CMSS1: variants seen among roughly 807,000 people sequenced by gnomAD.
The protein encoded by CMSS1 is cms1 ribosomal small subunit homolog, also known as protein CMSS1.
A neutral mutation model predicts 43.5 loss-of-function variants in CMSS1; 33 were observed. The observed-to-expected ratio is 0.76, with a 90% confidence interval of 0.57 to 1.01. The LOEUF is 1.01. Ranked by LOEUF, CMSS1 falls within the 50% of genes least tolerant of loss-of-function variation. The probability of loss-of-function intolerance (pLI) is 0.00; values close to 1 mark genes in which losing one functional copy is unlikely to be tolerated. For missense variants in CMSS1, 313 were observed against 326.4 expected (o/e 0.96, Z 0.32); for synonymous variants, 115 against 117.2 (o/e 0.98, Z 0.12).
chr3:100,014,694 A>G (rs917791995), intron 1 of CMSS1, among the ~76,000 whole-genome samples: 8 of 151,240 alleles, frequency 5.3e-5, no homozygotes, highest in Admixed American at 1.3e-4. Context: ...TTTTCTTGCT[A>G]TTGAGTTCTT....
chr3:100,067,050 G>C (rs17314998), intron 1 of CMSS1, among the ~76,000 whole-genome samples: 1 of 152,110 alleles, frequency 6.6e-6, no homozygotes, highest in Non-Finnish European at 1.5e-5. Context: ...AAGGGCAAGC[G>C]TGGACTGTGA....
At chr3:99,911,822 A>T (rs1706797966) in intron 1 of CMSS1, among the ~76,000 whole-genome samples, 1 of 152,022 alleles carries the variant, frequency 6.6e-6, no homozygotes, top group South Asian at 2.1e-4. Flanking sequence ...TGTCTTCTTC[A>T]TTATTTTTTT....
intron 1 of CMSS1, among the ~76,000 whole-genome samples, chr3:100,096,009 G>T (rs1457689074): frequency 1.5e-4 from 23 of 152,036 alleles, no homozygotes; most frequent in Admixed American, 1.5e-3. Context: ...TGACAAACAG[G>T]CATATGAAAA....
At chr3:100,009,912 C>A (rs952082801) in intron 1 of CMSS1, among the ~76,000 whole-genome samples, 1 of 152,182 alleles carries the variant, frequency 6.6e-6, no homozygotes, top group African/African-American at 2.4e-5. Flanking sequence ...ATACCACTTT[C>A]TTTCACCATT....
At chr3:99,892,958 G>A (rs969034531) in intron 1 of CMSS1, among the ~76,000 whole-genome samples, 1 of 152,114 alleles carries the variant, frequency 6.6e-6, no homozygotes, top group Non-Finnish European at 1.5e-5. Flanking sequence ...GCCCCTGTTG[G>A]TGCTGATCCC....
intron 1 of CMSS1, among the ~76,000 whole-genome samples, chr3:99,944,171 G>T (rs1231873388): frequency 6.6e-6 from 1 of 152,210 alleles, no homozygotes; most frequent in Non-Finnish European, 1.5e-5. Flanking sequence ...CTTCTAGTCA[G>T]TGCTAAACAA....
intron 1 of CMSS1, among the ~76,000 whole-genome samples, chr3:99,864,640 C>T (rs1718235): frequency 0.49 from 74,380 of 151,708 alleles, 18,699 homozygotes; most frequent in East Asian, 0.69. Flanking sequence ...TGTTCATTCC[C>T]ATGCTTTCTG....
chr3:100,013,037 T>G (rs574431283), intron 1 of CMSS1, among the ~76,000 whole-genome samples: 1 of 152,074 alleles, frequency 6.6e-6, no homozygotes, highest in Admixed American at 6.6e-5. Flanking sequence ...CAGCCAATTT[T>G]TTTGTTTGTT....
At chr3:99,983,392 A>ATGTG (rs1314015302) in intron 1 of CMSS1, among the ~76,000 whole-genome samples, 9 of 22,656 alleles carry the variant, frequency 4.0e-4, no homozygotes, top group Non-Finnish European at 9.0e-4. Flanking sequence ...ATAAATAAAT[A>ATGTG]TATATATATA....
chr3:100,171,745 A>G, intron 6 of CMSS1, 94 bp from the exon 7 acceptor site: 1 of 981,358 alleles, frequency 1.0e-6, no homozygotes, highest in Non-Finnish European at 1.6e-6. Context: ...GTATGCACAC[A>G]TCCTTTGAAT....
At chr3:99,849,330 C>G (rs1943538818) in intron 1 of CMSS1, 2 of 1,613,964 alleles carry the variant, frequency 1.2e-6, no homozygotes, top group Middle Eastern at 1.6e-4. Context: ...TGAGACTAGG[C>G]CTGAGGCTCT....
chr3:99,836,353 A>G (rs1576496393), intron 1 of CMSS1, among the ~76,000 whole-genome samples: 2 of 152,154 alleles, frequency 1.3e-5, no homozygotes, highest in Non-Finnish European at 2.9e-5. Context: ...TAGAGGCGAG[A>G]CAAAGAGCAG....
chr3:100,109,661 G>A (rs1392047556), intron 1 of CMSS1, among the ~76,000 whole-genome samples: 1 of 151,936 alleles, frequency 6.6e-6, no homozygotes, highest in Non-Finnish European at 1.5e-5. Context: ...GTGTTTCATT[G>A]GTATTGCTGA....
At chr3:99,874,220 T>G (rs1705390555) in intron 1 of CMSS1, 1 of 152,178 alleles carries the variant, frequency 6.6e-6, no homozygotes, top group East Asian at 1.9e-4. Flanking sequence ...CTGTTAGAAT[T>G]TTGATGGAAG....
intron 1 of CMSS1, among the ~76,000 whole-genome samples, chr3:100,124,229 AGT>A (rs1234702724): frequency 6.6e-6 from 1 of 152,196 alleles, no homozygotes; most frequent in African/African-American, 2.4e-5. Context: ...TTTGGCTAAA[AGT>A]GTGCTTTGGA....
intron 1 of CMSS1, among the ~76,000 whole-genome samples, chr3:100,008,113 T>C (rs1240268012): frequency 6.6e-6 from 1 of 152,158 alleles, no homozygotes; most frequent in African/African-American, 2.4e-5. Context: ...TTACAATAAA[T>C]TGCTGCTGCT....
chr3:100,048,650 G>C (rs1376214203), intron 1 of CMSS1, among the ~76,000 whole-genome samples: 2 of 152,162 alleles, frequency 1.3e-5, no homozygotes, highest in African/African-American at 4.8e-5. Context: ...GAAAATAAAA[G>C]CCAAATCAGG....
chr3:99,895,217 G>A (rs1706209506), intron 1 of CMSS1, among the ~76,000 whole-genome samples: 2 of 152,112 alleles, frequency 1.3e-5, no homozygotes, highest in South Asian at 4.1e-4. Flanking sequence ...ATTCTTAGCT[G>A]TCTCAGGTTC....
intron 1 of CMSS1, among the ~76,000 whole-genome samples, chr3:99,983,479 T>C (rs1482282201): frequency 1.7e-4 from 3 of 17,260 alleles, no homozygotes; most frequent in Admixed American, 6.0e-4. Context: ...TATATATATA[T>C]ATATATATAT....
Sources: gnomAD v4.1 joint callset for allele counts (sites outside exome capture counted in the v4.1 genomes callset) on GRCh38, gnomAD v4.1.1 for gene constraint, MANE v1.5 for transcripts, NCBI Gene and HGNC (gene_info 2026-07-23, HGNC 2026-07-21) for gene names.